LPP: variants seen among roughly 807,000 people sequenced by gnomAD.
LPP encodes the protein LIM domain containing preferred translocation partner in lipoma.
In LPP, 38 loss-of-function variants were observed where a neutral mutation model predicts 60.4. That is an observed-to-expected ratio of 0.63 (90% CI 0.49 to 0.83). LPP has a LOEUF of 0.83. Among genes scored for constraint, LPP ranks in the 40% least tolerant of loss-of-function variants. The pLI is 0.00. For synonymous variants in LPP, 328 were observed against 290.8 expected, an observed-to-expected ratio of 1.13 and a Z score of -1.30; for missense variants, 902 against 783.6, an observed-to-expected ratio of 1.15 and a Z score of -1.80.
intron 9 of LPP, among the ~76,000 whole-genome samples, chr3:188,787,493 T>A (rs1049469750): frequency 1.3e-5 from 2 of 152,074 alleles, no homozygotes; most frequent in African/African-American, 4.8e-5. Flanking sequence ...CAGCTCCCTG[T>A]AATTCAGTTT....
chr3:188,684,746 A>C (rs60409903), intron 7 of LPP, among the ~76,000 whole-genome samples: 38,704 of 151,658 alleles, frequency 0.26, 5,884 homozygotes, highest in African/African-American at 0.42. Context: ...AAAAAAAAAA[A>C]AACAAAATTT....
chr3:188,664,214 A>G (rs755969414), intron 7 of LPP, among the ~76,000 whole-genome samples: 48 of 152,234 alleles, frequency 3.2e-4, no homozygotes, highest in Non-Finnish European at 6.3e-4. Context: ...TTTATTGTAT[A>G]TCTTTAATGA....
At chr3:188,616,962 G>T (rs187153211) in intron 7 of LPP, among the ~76,000 whole-genome samples, 9 of 152,184 alleles carry the variant, frequency 5.9e-5, no homozygotes, top group Admixed American at 4.6e-4. Flanking sequence ...TGTAATAGTT[G>T]TACTAGCTTC....
chr3:188,602,177 T>TATATATATAATATATATATATATAAA (rs1841458686), intron 6 of LPP, among the ~76,000 whole-genome samples: 8 of 115,284 alleles, frequency 6.9e-5, no homozygotes, highest in African/African-American at 1.9e-4. Flanking sequence ...ATATATATAT[T>TATATATATAATATATATATATATAAA]ATATATATAT....
At chr3:188,596,193 T>C (rs958076732) in intron 6 of LPP, among the ~76,000 whole-genome samples, 3 of 152,150 alleles carry the variant, frequency 2.0e-5, no homozygotes, top group African/African-American at 4.8e-5. Flanking sequence ...GAGTGCAGAA[T>C]TGTTGAAGGG....
At position 188,235,528 on chromosome 3, in the gene LPP, G is replaced by T. The variant is rs558320821; in HGVS notation, c.-67+10001G>T. On this transcript the variant is annotated intron_variant, in intron 2 of 11. Coordinates refer to ENST00000617246, the MANE Select transcript of LPP (RefSeq NM_001375462.1). ...AGAGTTTTTTTAGACATGTTTTTGT[G>T]TACATTTAAATAATTTCCATTTTAA... 2.6e-4 allele frequency among the ~76,000 whole-genome samples: 39 copies of T among 152,106 alleles called. No individual in the cohort carries two copies. The South Asian group carries it at 7.9e-3, about 31-fold the overall frequency.
At chr3:188,173,444 C>T (rs973790949) in intron 1 of LPP, among the ~76,000 whole-genome samples, 1 of 151,988 alleles carries the variant, frequency 6.6e-6, no homozygotes, top group Admixed American at 6.6e-5. Flanking sequence ...GCAGAGGTTG[C>T]AGTGAGCTGA....
intron 7 of LPP, among the ~76,000 whole-genome samples, chr3:188,628,696 C>T (rs115652912): frequency 3.1e-3 from 470 of 152,206 alleles, no homozygotes; most frequent in African/African-American, 0.011. Context: ...TGGTACCAAT[C>T]GTACTAAATA....
intron 6 of LPP, among the ~76,000 whole-genome samples, chr3:188,586,783 A>T (rs973656537): frequency 6.7e-6 from 1 of 149,124 alleles, no homozygotes; most frequent in Non-Finnish European, 1.5e-5. Flanking sequence ...GCTGGAGTGC[A>T]GTGGCCCGAT....
intron 4 of LPP, among the ~76,000 whole-genome samples, chr3:188,474,389 A>ATGCATTGAC (rs1553907962): frequency 2.6e-5 from 4 of 151,480 alleles, no homozygotes; most frequent in Admixed American, 2.0e-4. Flanking sequence ...TGTCATTGAC[A>ATGCATTGAC]ATGCATTGAC....
Position 188,609,568 on chromosome 3 carries a change from A to G in LPP, c.837A>G (p.Pro279=). ...GGMDYAYIPP[P]GLQPEPGYGY... is the part of the protein sequence containing the mutation. ...TGGATTATGCCTACATTCCACCACC[A>G]GGACTTCAGCCGGAGCCTGGGTATG... Residue 279 remains proline (P), a synonymous_variant, in exon 7 of 12, where the codon CCA becomes CCG. Transcript: ENST00000617246. The surrounding 1 kb of genome is among the most constrained non-coding windows in gnomAD (Gnocchi z 6.9). 4 of 1,614,150 alleles carry G rather than the reference A, an allele frequency of 2.5e-6. No individual in the cohort carries two copies. Among genetic ancestry groups the G allele is most frequent in the Non-Finnish European group, 3.4e-6 (4 of 1,180,022 alleles).
intron 8 of LPP, chr3:188,710,163 T>C (rs1866333598): frequency 6.6e-6 from 1 of 152,260 alleles, no homozygotes; most frequent in African/African-American, 2.4e-5. Flanking sequence ...TGGGAATATG[T>C]AATGACAGGT....
intron 7 of LPP, among the ~76,000 whole-genome samples, chr3:188,658,923 A>C (rs1339351749): frequency 2.0e-5 from 3 of 152,116 alleles, no homozygotes; most frequent in Non-Finnish European, 4.4e-5. Context: ...TCCACACAAC[A>C]CTTAGGTTTA....
intron 9 of LPP, among the ~76,000 whole-genome samples, chr3:188,796,128 G>A (rs770654849): frequency 2.0e-5 from 3 of 152,168 alleles, no homozygotes; most frequent in East Asian, 3.8e-4. Flanking sequence ...AAAGAAAGGA[G>A]TATTGTCCTA....
intron 8 of LPP, among the ~76,000 whole-genome samples, chr3:188,721,060 G>A (rs990695926): frequency 1.2e-4 from 19 of 152,084 alleles, no homozygotes; most frequent in African/African-American, 4.3e-4. Flanking sequence ...TCATTAGTGA[G>A]CATCTTCATA....
At chr3:188,734,747 G>T (rs769332809) in intron 8 of LPP, among the ~76,000 whole-genome samples, 2 of 152,186 alleles carry the variant, frequency 1.3e-5, no homozygotes, top group Non-Finnish European at 2.9e-5. Context: ...GCAGGTGCAC[G>T]GATTAGATGA....
chr3:188,639,030 G>C (rs1341932308), intron 7 of LPP, among the ~76,000 whole-genome samples: 1 of 150,414 alleles, frequency 6.6e-6, no homozygotes, highest in Non-Finnish European at 1.5e-5. Context: ...AAGTTCATAT[G>C]GAACCAAAAA....
At chr3:188,693,457 C>T (rs1014533133) in intron 7 of LPP, among the ~76,000 whole-genome samples, 5 of 152,134 alleles carry the variant, frequency 3.3e-5, no homozygotes, top group African/African-American at 1.2e-4. Context: ...AGAGATGTTT[C>T]TCTCTGAAAG....
chr3:188,163,787 C>CG (rs1553798572), intron 1 of LPP, among the ~76,000 whole-genome samples: 6 of 137,548 alleles, frequency 4.4e-5, no homozygotes, highest in African/African-American at 1.6e-4. Flanking sequence ...ACTAAATATA[C>CG]AAAAAAAAAA....
Sources: allele counts gnomAD v4.1 joint callset (sites outside exome capture counted in the v4.1 genomes callset), GRCh38; gene constraint gnomAD v4.1.1; non-coding constraint Gnocchi (gnomAD v3.1); transcripts MANE v1.5; gene names NCBI Gene and HGNC (gene_info 2026-07-23, HGNC 2026-07-21).